SP3: variants seen among roughly 807,000 people sequenced by gnomAD.
SP3 encodes transcription factor Sp3.
SP3 carries 10 observed loss-of-function variants against 70.3 expected under a neutral mutation model. That is an observed-to-expected ratio of 0.14 (90% CI 0.09 to 0.24). The LOEUF is 0.24. Ranked by LOEUF, SP3 falls within the 10% of genes least tolerant of loss-of-function variation. The probability of loss-of-function intolerance (pLI) is 1.00; values close to 1 mark genes in which losing one functional copy is unlikely to be tolerated. For missense variants in SP3, 825 were observed against 914.6 expected (o/e 0.90, Z 1.26); for synonymous variants, 402 against 333.5 (o/e 1.21, Z -2.24).
At chr2:173,961,283 T>G (rs1574428775) in intron 3 of SP3, among the ~76,000 whole-genome samples, 1 of 152,236 alleles carries the variant, frequency 6.6e-6, no homozygotes, top group Non-Finnish European at 1.5e-5. Flanking sequence ...GATCCTCTTT[T>G]ATGACAAATT....
At chr2:173,931,213 C>A (rs1001294665) in intron 4 of SP3, among the ~76,000 whole-genome samples, 4 of 152,190 alleles carry the variant, frequency 2.6e-5, no homozygotes, top group Admixed American at 6.5e-5. Flanking sequence ...GCCTCAAAGT[C>A]AATTGCTGCT....
intron 4 of SP3, among the ~76,000 whole-genome samples, chr2:173,948,136 C>T (rs915847131): frequency 1.3e-5 from 2 of 151,936 alleles, no homozygotes; most frequent in African/African-American, 4.8e-5. Context: ...ATGTAGGGTA[C>T]TTTTATCTAT....
Position 173,912,719 on chromosome 2 carries a change from A to G in SP3, c.2029+351T>C, listed in dbSNP as rs529426760. ...AAGAAACAGGAGTATTTTTTGTTAC[A>G]GTGTTAAGAGGAAAGAAAAAAAATA... On this transcript the variant is annotated intron_variant, in intron 6 of 6. Coordinates refer to ENST00000310015, the MANE Select transcript of SP3 (RefSeq NM_003111.5). 1.9e-3 allele frequency among the ~76,000 whole-genome samples: 279 copies of G among 148,228 alleles called. 1 individual carries two copies. Among genetic ancestry groups the G allele is most frequent in the African/African-American group, 6.6e-3 (265 of 40,228 alleles).
At chr2:173,930,325 G>C (rs979752041) in intron 4 of SP3, among the ~76,000 whole-genome samples, 2 of 152,130 alleles carry the variant, frequency 1.3e-5, no homozygotes, top group African/African-American at 4.8e-5. Context: ...CCAGTACTTT[G>C]GGAGGCCAAG....
intron 4 of SP3, among the ~76,000 whole-genome samples, chr2:173,938,274 T>C (rs751642207): frequency 2.3e-4 from 35 of 151,938 alleles, no homozygotes; most frequent in Non-Finnish European, 4.7e-4. Flanking sequence ...CTAGTCAACA[T>C]GGTGAAACCC....
chr2:173,927,595 T>C (rs1272150479), intron 4 of SP3, among the ~76,000 whole-genome samples: 1 of 152,170 alleles, frequency 6.6e-6, no homozygotes, highest in African/African-American at 2.4e-5. Flanking sequence ...TTCTTATAAC[T>C]TGTTGAAATG....
upstream of SP3, chr2:173,965,571 A>AC (rs1691270426): frequency 4.8e-6 from 1 of 208,970 alleles, no homozygotes. Context: ...CTCGCCGGTT[A>AC]CCCCGCTGTG....
Position 173,912,505 on chromosome 2 carries a change from T to G in SP3, c.2029+565A>C, listed in dbSNP as rs533207973. ...GAAAAAACTATCTCTAAGTTAACAC[T>G]GTTAGGTTTCAGTGTAGATCAGTCA... On this transcript the variant is annotated intron_variant, in intron 6 of 6. Coordinates refer to ENST00000310015, the MANE Select transcript of SP3 (RefSeq NM_003111.5). Among the ~76,000 whole-genome samples, 8 of 152,352 alleles carry G rather than the reference T, an allele frequency of 5.3e-5. No homozygotes were observed. The East Asian group carries it at 1.5e-3, about 29-fold the overall frequency.
intron 4 of SP3, among the ~76,000 whole-genome samples, chr2:173,943,913 A>T (rs2105485584): frequency 6.6e-6 from 1 of 152,372 alleles, no homozygotes; most frequent in Middle Eastern, 3.4e-3. Context: ...CTATAGGTAT[A>T]GTCTATTGTT....
At chr2:173,916,184 G>C (rs1421938369) in intron 5 of SP3, 10 of 151,888 alleles carry the variant, frequency 6.6e-5, no homozygotes, top group Admixed American at 6.6e-5. Flanking sequence ...TCTTTTCTTA[G>C]GAATCTCAAT....
At chr2:173,927,093 C>G (rs922605719) in intron 4 of SP3, among the ~76,000 whole-genome samples, 3 of 151,956 alleles carry the variant, frequency 2.0e-5, no homozygotes, top group Admixed American at 6.6e-5. Flanking sequence ...AGGTGCCACA[C>G]ACACTTAACT....
chr2:173,926,223 A>T (rs1689904704), intron 4 of SP3, among the ~76,000 whole-genome samples: 1 of 152,176 alleles, frequency 6.6e-6, no homozygotes, highest in African/African-American at 2.4e-5. Context: ...CTTGAGGACA[A>T]AATACACTGT....
chr2:173,933,051 G>A (rs1404998768), intron 4 of SP3, among the ~76,000 whole-genome samples: 1 of 152,154 alleles, frequency 6.6e-6, no homozygotes, highest in Non-Finnish European at 1.5e-5. Flanking sequence ...TTGCCAAAAT[G>A]TGACACAGGG....
At position 173,933,369 on chromosome 2, in the gene SP3, C is replaced by A. The variant is rs113515159; in HGVS notation, c.1640-14584G>T. On this transcript the variant is annotated intron_variant, in intron 4 of 6. Coordinates refer to ENST00000310015, the MANE Select transcript of SP3 (RefSeq NM_003111.5). ...AATAGCATCACAGGGCTAATGGCTC[C>A]CCTATATAACAGAGCAGGGCAAAAT... Among the ~76,000 whole-genome samples, 174 of 152,062 alleles carry A rather than the reference C, an allele frequency of 1.1e-3. 3 individuals carry two copies. The highest frequency in any genetic ancestry group is 4.0e-3 in the African/African-American group (166 of 41,486).
intron 4 of SP3, among the ~76,000 whole-genome samples, chr2:173,946,208 G>C (rs1044919108): frequency 1.3e-5 from 2 of 152,108 alleles, no homozygotes; most frequent in African/African-American, 4.8e-5. Context: ...GAATAGCAGG[G>C]TGTTCATAAT....
In SP3 at chr2:173,933,638, TTATATATATATA is replaced by T. The variant is rs60102426; in HGVS notation, c.1640-14865_1640-14854del. On this transcript the variant is annotated intron_variant, in intron 4 of 6. Transcript: ENST00000310015. ...ACAAATGACTAACATTTATAAAACTTTATATATATATATATATATATATATATATATATAAAA... is the reference window on the plus strand; with the variant it reads ...ACAAATGACTAACATTTATAAAACTTTATATATATATATATATATATAAAA... Among the ~76,000 whole-genome samples, 302 of 86,554 alleles carry T rather than the reference TTATATATATATA, an allele frequency of 3.5e-3. 9 individuals are homozygous for T. Among genetic ancestry groups the T allele is most frequent in the African/African-American group, 9.3e-3 (223 of 24,108 alleles). 56.8% of individuals were successfully genotyped at this position (86,554 alleles called of 152,430 possible).
At chr2:173,933,021 G>A (rs1690108488) in intron 4 of SP3, among the ~76,000 whole-genome samples, 1 of 151,920 alleles carries the variant, frequency 6.6e-6, no homozygotes, top group Non-Finnish European at 1.5e-5. Flanking sequence ...ATAATGAAAA[G>A]GTTTGAAATA....
At chr2:173,929,198 T>C (rs149221626) in intron 4 of SP3, among the ~76,000 whole-genome samples, 1 of 152,250 alleles carries the variant, frequency 6.6e-6, no homozygotes. Flanking sequence ...ATTTTACTGG[T>C]TACAAAAAGG....
chr2:173,949,178 T>C (rs1003058058), intron 4 of SP3, among the ~76,000 whole-genome samples: 15 of 152,152 alleles, frequency 9.9e-5, no homozygotes, highest in Non-Finnish European at 1.9e-4. Context: ...AGCAATAGGG[T>C]TGGCCTTTTA....
Sources: allele counts gnomAD v4.1 joint callset (sites outside exome capture counted in the v4.1 genomes callset), GRCh38; gene constraint gnomAD v4.1.1; transcripts MANE v1.5; gene names NCBI Gene and HGNC (gene_info 2026-07-23, HGNC 2026-07-21).